SPSB4: variants seen among roughly 807,000 people sequenced by gnomAD.
SPSB4 encodes SPRY domain-containing SOCS box protein 4.
In SPSB4, 21 loss-of-function variants were observed where a neutral mutation model predicts 20.9. That is an observed-to-expected ratio of 1.01 (90% CI 0.71 to 1.45). The LOEUF (loss-of-function observed/expected upper bound fraction) is 1.45, where lower values mean the gene tolerates loss of function less well. Ranked by LOEUF, SPSB4 falls within the 40% of genes most tolerant of loss-of-function variation. The probability of loss-of-function intolerance (pLI) is 0.00; values close to 1 mark genes in which losing one functional copy is unlikely to be tolerated. For synonymous variants in SPSB4, 207 were observed against 183.8 expected, an observed-to-expected ratio of 1.13 and a Z score of -1.02; for missense variants, 399 against 399.2, an observed-to-expected ratio of 1.00 and a Z score of 0.00.
rs906028250 is a variant in SPSB4, at chr3:141,147,349, T to C, written c.*80T>C. On this transcript the variant is annotated 3_prime_UTR_variant, in exon 3 of 3. Transcript: ENST00000310546. ...CTGTCATTCACAGTCCCATGGCACA[T>C]AGGGGAAAGGATCTACCCTTCTCCT... 12 of 1,588,062 alleles carry C rather than the reference T, an allele frequency of 7.6e-6. No individual in the cohort carries two copies. Among genetic ancestry groups the C allele is most frequent in the East Asian group, 6.8e-5 (3 of 44,424 alleles).
chr3:141,136,890 G>A (rs1235894454), intron 2 of SPSB4, among the ~76,000 whole-genome samples: 4 of 152,188 alleles, frequency 2.6e-5, no homozygotes, highest in Non-Finnish European at 5.9e-5. Context: ...GTCATTGGTA[G>A]CTTGATGGGG....
In SPSB4 at chr3:141,144,665, G is replaced by A. The variant is rs1271414828; in HGVS notation, c.695-2477G>A. Among the ~76,000 whole-genome samples the A allele has an allele frequency of 3.3e-5, 5 of 152,294 alleles. No homozygotes were observed. In the East Asian group the frequency reaches 5.8e-4, roughly 18 times the overall value. On this transcript the variant is annotated intron_variant, in intron 2 of 2. Coordinates refer to ENST00000310546, the MANE Select transcript of SPSB4 (RefSeq NM_080862.3). The stretch of plus-strand genomic sequence containing the variant: ...ATATTTCACATTTAGAGCTAGCAAC[G>A]TACTCTGAACTCCTTTTCCTTCTTC...
intron 2 of SPSB4, among the ~76,000 whole-genome samples, chr3:141,110,567 G>A (rs1466522219): frequency 6.6e-6 from 1 of 152,212 alleles, no homozygotes; most frequent in Non-Finnish European, 1.5e-5. Context: ...ACAAAGGTTT[G>A]TTTTTGCCCA....
intron 2 of SPSB4, among the ~76,000 whole-genome samples, chr3:141,085,926 T>G (rs2107788991): frequency 6.6e-6 from 1 of 152,376 alleles, no homozygotes; most frequent in African/African-American, 2.4e-5. Flanking sequence ...CTTGGTGCTC[T>G]GCAGTCTGAT....
intron 2 of SPSB4, 64 bp downstream of exon 2, chr3:141,066,862 A>G (rs774773850): frequency 3.5e-6 from 5 of 1,446,542 alleles, no homozygotes; most frequent in Non-Finnish European, 4.6e-6. Context: ...GAAGCTGGGC[A>G]GGCCACACCT....
chr3:141,092,587 C>G (rs1938475430), intron 2 of SPSB4, among the ~76,000 whole-genome samples: 1 of 152,244 alleles, frequency 6.6e-6, no homozygotes, highest in Non-Finnish European at 1.5e-5. Flanking sequence ...GGGGCCTGCT[C>G]AGGCAGCTAC....
intron 2 of SPSB4, among the ~76,000 whole-genome samples, chr3:141,136,666 T>G (rs1939233535): frequency 6.6e-6 from 1 of 152,198 alleles, no homozygotes; most frequent in Non-Finnish European, 1.5e-5. Context: ...GTGGTATTAT[T>G]TCTGAGGGCT....
intron 2 of SPSB4, chr3:141,080,193 C>A (rs1938202437): frequency 6.6e-6 from 1 of 152,154 alleles, no homozygotes. Flanking sequence ...TTAATTGAGG[C>A]CCAGAAAGGT....
Position 141,066,062 on chromosome 3 carries a change from G to T in SPSB4, c.-43G>T. ...GGCTACGGGGAGTGGAGGCTCCCAC[G>T]AGGTAGCGGTGGCCTGCAGCGGCCT... On this transcript the variant is annotated 5_prime_UTR_variant, in exon 2 of 3. Coordinates refer to ENST00000310546, the MANE Select transcript of SPSB4 (RefSeq NM_080862.3). 1.4e-6 allele frequency: 2 copies of T among 1,448,446 alleles called. No individual in the cohort carries two copies. The allele number at this position is 1,448,446 out of a possible 1,614,324, so 89.7% of individuals were successfully genotyped here. A position where few individuals can be genotyped will look rare whatever the true frequency, so the allele number is the denominator to read the frequency against.
At chr3:141,076,828 T>C (rs1440558134) in intron 2 of SPSB4, 1 of 152,256 alleles carries the variant, frequency 6.6e-6, no homozygotes, top group Non-Finnish European at 1.5e-5. Flanking sequence ...CAGGCCCCAG[T>C]ACCACAGCAC....
chr3:141,103,961 G>C (rs1231408534), intron 2 of SPSB4, among the ~76,000 whole-genome samples: 1 of 152,090 alleles, frequency 6.6e-6, no homozygotes, highest in Non-Finnish European at 1.5e-5. Context: ...GCTCAAAGTA[G>C]GTTCGTCACT....
At chr3:141,100,387 A>G (rs11918400) in intron 2 of SPSB4, among the ~76,000 whole-genome samples, 40,631 of 152,038 alleles carry the variant, frequency 0.27, 6,901 homozygotes, top group African/African-American at 0.46. Flanking sequence ...ACATGCACAC[A>G]AGAAGAACGC....
At chr3:141,080,096 G>A (rs958764479) in intron 2 of SPSB4, among the ~76,000 whole-genome samples, 2 of 152,210 alleles carry the variant, frequency 1.3e-5, no homozygotes, top group East Asian at 1.9e-4. Context: ...AGGTCTCCCC[G>A]CTGCTAAAAA....
chr3:141,114,242 G>T (rs1034764966), intron 2 of SPSB4, among the ~76,000 whole-genome samples: 1 of 152,098 alleles, frequency 6.6e-6, no homozygotes, highest in African/African-American at 2.4e-5. Context: ...TCAGTCAATC[G>T]CCCTGAGCAT....
intron 2 of SPSB4, among the ~76,000 whole-genome samples, chr3:141,077,833 G>A (rs1377043361): frequency 6.6e-6 from 1 of 152,188 alleles, no homozygotes; most frequent in Non-Finnish European, 1.5e-5. Flanking sequence ...GAACTCACAA[G>A]TTGCCTCAAG....
chr3:141,106,385 C>G (rs1938690484), intron 2 of SPSB4, among the ~76,000 whole-genome samples: 1 of 152,138 alleles, frequency 6.6e-6, no homozygotes, highest in Non-Finnish European at 1.5e-5. Context: ...CCCATTATGG[C>G]TTTTCACCCT....
At chr3:141,079,606 G>C (rs1461640143) in intron 2 of SPSB4, among the ~76,000 whole-genome samples, 1 of 152,190 alleles carries the variant, frequency 6.6e-6, no homozygotes, top group African/African-American at 2.4e-5. Flanking sequence ...CCTGTGGTGT[G>C]CTGACCCTTA....
chr3:141,141,683 T>C (rs112384030), intron 2 of SPSB4, among the ~76,000 whole-genome samples: 3 of 152,354 alleles, frequency 2.0e-5, no homozygotes, highest in Non-Finnish European at 2.9e-5. Flanking sequence ...CCTTGACTTT[T>C]TTTTTGGTGG....
At chr3:141,121,356 A>C (rs1458401380) in intron 2 of SPSB4, among the ~76,000 whole-genome samples, 1 of 151,796 alleles carries the variant, frequency 6.6e-6, no homozygotes, top group Non-Finnish European at 1.5e-5. Context: ...TTTTTCCTTC[A>C]TTTCAACCTT....
Sources: allele counts gnomAD v4.1 joint callset (sites outside exome capture counted in the v4.1 genomes callset), GRCh38; gene constraint gnomAD v4.1.1; transcripts MANE v1.5; gene names NCBI Gene and HGNC (gene_info 2026-07-23, HGNC 2026-07-21).